NKX2-2: variants seen among roughly 807,000 people sequenced by gnomAD.
NKX2-2 encodes the protein homeobox protein Nkx-2.2.
Under a neutral mutation model 24.6 loss-of-function variants are expected in NKX2-2, and 8 were observed. That is an observed-to-expected ratio of 0.32 (90% CI 0.19 to 0.59). The LOEUF is 0.59. Ranked by LOEUF, NKX2-2 falls within the 20% of genes least tolerant of loss-of-function variation. The pLI is 0.86. For missense variants in NKX2-2, 381 were observed against 373.9 expected, an observed-to-expected ratio of 1.02 and a Z score of -0.16; for synonymous variants, 217 against 173.3, an observed-to-expected ratio of 1.25 and a Z score of -1.98.
In NKX2-2 at chr20:21,511,826, A is replaced by G. The variant is rs1980439918; in HGVS notation, c.*97T>C. 1 of 839,312 alleles carries G rather than the reference A, an allele frequency of 1.2e-6. No homozygotes were observed. Among genetic ancestry groups the G allele is most frequent in the Non-Finnish European group, 1.7e-6 (1 of 578,084 alleles). The allele number at this position is 839,312 out of a possible 1,614,324, so 52.0% of individuals were successfully genotyped here. A position where few individuals can be genotyped will look rare whatever the true frequency, so the allele number is the denominator to read the frequency against. On this transcript the variant is annotated 3_prime_UTR_variant, in exon 2 of 2. Coordinates refer to ENST00000377142, the MANE Select transcript of NKX2-2 (RefSeq NM_002509.4). ...TCGACTCCATAATAATAATTATAAT[A>G]ATAATAATAACCACCATAAGGACCG...
At chr20:21,518,291 A>G (rs1250893555), upstream of NKX2-2, among the ~76,000 whole-genome samples, 1 of 151,980 alleles carries the variant, frequency 6.6e-6, no homozygotes, top group African/African-American at 2.4e-5. Flanking sequence ...CTCGATCTTT[A>G]TTATCAGCAT....
In NKX2-2 at chr20:21,513,711, A is replaced by T. The variant is rs536355513; in HGVS notation, c.-42T>A. ...ATTTATGTCGCAAAGTTGTAGCTTC[A>T]CTTGGTCAATTCGTGGCGCTCCCCT... is the stretch of plus-strand genomic sequence containing the variant. On this transcript the variant is annotated 5_prime_UTR_variant, in exon 1 of 2. Coordinates refer to ENST00000377142, the MANE Select transcript of NKX2-2 (RefSeq NM_002509.4). This position sits in a 1 kb window ranked among gnomAD's most constrained non-coding sequence, Gnocchi z 4.6. 3 of 1,197,520 alleles carry T rather than the reference A, an allele frequency of 2.5e-6. No homozygotes were observed. The highest frequency in any genetic ancestry group is 1.3e-4 in the East Asian group (2 of 15,020). The allele number at this position is 1,197,520 out of a possible 1,614,324, so 74.2% of individuals were successfully genotyped here.
At chr20:21,518,963 A>G (rs1980706134), upstream of NKX2-2, among the ~76,000 whole-genome samples, 1 of 151,986 alleles carries the variant, frequency 6.6e-6, no homozygotes, top group Admixed American at 6.6e-5. Flanking sequence ...GAAAGCTTGC[A>G]GTGCAGGTAC....
At chr20:21,522,186 G>T in the NKX2-2 span, among the ~76,000 whole-genome samples, 4 of 152,360 alleles carry the variant, frequency 2.6e-5, no homozygotes, top group African/African-American at 4.8e-5. Context: ...AAGTCGGGGA[G>T]AACTTCGGAG....
In NKX2-2 at chr20:21,513,189, T is replaced by C. The variant is rs1177431204; in HGVS notation, c.259+222A>G. Among the ~76,000 whole-genome samples the C allele has an allele frequency of 6.6e-6, 1 of 152,154 alleles. No individual in the cohort carries two copies. Among genetic ancestry groups the C allele is most frequent in the East Asian group, 1.9e-4 (1 of 5,188 alleles). On this transcript the variant is annotated intron_variant, in intron 1 of 1. Coordinates refer to ENST00000377142, the MANE Select transcript of NKX2-2 (RefSeq NM_002509.4). The surrounding 1 kb of genome is among the most constrained non-coding windows in gnomAD (Gnocchi z 4.6). Reference sequence around the variant, plus strand: ...CCCTCTTTCTCCTTAACTTCTCGCATTGAAAAAAATTTTGGAGACCAAGTT... The same window carrying C: ...CCCTCTTTCTCCTTAACTTCTCGCACTGAAAAAAATTTTGGAGACCAAGTT...
At position 21,512,139 on chromosome 20, in the gene NKX2-2, C is replaced by G. The variant is rs201222711; in HGVS notation, c.606G>C (p.Arg202=). ...CCCTGACCAAGACGGGCACGGCCAC[C>G]CGGCGCGGCGAGGGCAGGGGCGTCA... ...MEVTPLPSPR[R]VAVPVLVRDG... The change falls in exon 2 of 2, where the codon CGG becomes CGC. Residue 202 remains arginine (R), a synonymous_variant. Coordinates refer to ENST00000377142, the MANE Select transcript of NKX2-2 (RefSeq NM_002509.4). 6.2e-7 allele frequency: 1 copy of G among 1,613,566 alleles called. No individual in the cohort carries two copies. The highest frequency in any genetic ancestry group is 1.3e-5 in the African/African-American group (1 of 74,930).
Position 21,514,003 on chromosome 20 carries a change from G to T in NKX2-2, c.-334C>A, listed in dbSNP as rs1160367913. Reference sequence around the variant, plus strand: ...ACTCCAGGAGGGGTGCCAAGGCGGCGTCAGCTCGGGCTCCGGCGGCCGCTC... The same window carrying T: ...ACTCCAGGAGGGGTGCCAAGGCGGCTTCAGCTCGGGCTCCGGCGGCCGCTC... On this transcript the variant is annotated 5_prime_UTR_variant, in exon 1 of 2. Transcript: ENST00000377142. The T allele has an allele frequency of 1.1e-5, 2 of 174,864 alleles. No homozygotes were observed. The highest frequency in any genetic ancestry group is 2.4e-5 in the Non-Finnish European group (2 of 83,628). 10.8% of individuals were successfully genotyped at this position (174,864 alleles called of 1,614,324 possible).
At position 21,511,775 on chromosome 20, in the gene NKX2-2, C is replaced by T. The variant is rs1335369691; in HGVS notation, c.*148G>A. The T allele has an allele frequency of 1.7e-6, 1 of 586,486 alleles. No individual in the cohort carries two copies. Among genetic ancestry groups the T allele is most frequent in the East Asian group, 3.1e-5 (1 of 32,294 alleles). The allele number at this position is 586,486 out of a possible 1,614,324, so 36.3% of individuals were successfully genotyped here. A position where few individuals can be genotyped will look rare whatever the true frequency, so the allele number is the denominator to read the frequency against. On this transcript the variant is annotated 3_prime_UTR_variant, in exon 2 of 2. Transcript: ENST00000377142. ...AGGAGACGCAGGCAACCTCCCGGCG[C>T]CTCCCTAGTGGAGCCGAGAGTCAAC...
chr20:21,522,643 C>A, the NKX2-2 span, among the ~76,000 whole-genome samples: 1 of 151,700 alleles, frequency 6.6e-6, no homozygotes. Context: ...GAGTCGCGGG[C>A]GGCTGCGGAG....
At position 21,513,703 on chromosome 20, in the gene NKX2-2, G is replaced by A. The variant is rs186669610; in HGVS notation, c.-34C>T. On this transcript the variant is annotated 5_prime_UTR_variant, in exon 1 of 2. Transcript: ENST00000377142. The surrounding 1 kb of genome is among the most constrained non-coding windows in gnomAD (Gnocchi z 4.6). ...ACCCCAAAATTTATGTCGCAAAGTTGTAGCTTCACTTGGTCAATTCGTGGC... is the reference window on the plus strand; with the variant it reads ...ACCCCAAAATTTATGTCGCAAAGTTATAGCTTCACTTGGTCAATTCGTGGC... 145 of 1,327,254 alleles carry A rather than the reference G, an allele frequency of 1.1e-4. No individual in the cohort carries two copies. In the African/African-American group the frequency reaches 2.0e-3, roughly 18 times the overall value. The allele number at this position is 1,327,254 out of a possible 1,614,324, so 82.2% of individuals were successfully genotyped here. A position where few individuals can be genotyped will look rare whatever the true frequency, so the allele number is the denominator to read the frequency against.
upstream of NKX2-2, among the ~76,000 whole-genome samples, chr20:21,515,596 T>TG (rs1980613624): frequency 2.9e-5 from 4 of 140,036 alleles, no homozygotes; most frequent in African/African-American, 8.5e-5. Context: ...TAAAACTTTT[T>TG]TGGGGGGGGG....
chr20:21,511,936 T>G lies in NKX2-2; in HGVS notation c.809A>C (p.Gln270Pro). 1 of 1,589,700 alleles carries G rather than the reference T, an allele frequency of 6.3e-7. No homozygotes were observed. The highest frequency in any genetic ancestry group is 8.6e-7 in the Non-Finnish European group (1 of 1,168,062). The part of the protein sequence containing the change: ...PTAHPLVQAQ[Q>P]WTW ...TTGGGGCGGCGCTCACCAAGTCCAC[T>G]GCTGGGCCTGGACCAGGGGGTGTGC... Residue 270 changes from glutamine to proline, a missense_variant, in exon 2 of 2, where the codon CAG becomes CCG. By Grantham distance (76) the Gln-to-Pro change is moderately conservative. Coordinates refer to ENST00000377142, the MANE Select transcript of NKX2-2 (RefSeq NM_002509.4).
rs1055717021 is a variant in NKX2-2, at chr20:21,512,613, C to T, written c.260-128G>A. ...CGCGCCTGGCAGCCCAGCCCCGCTGCCTTTGCCATGACCCCTGCCTTCCTC... is the reference window on the plus strand; with the variant it reads ...CGCGCCTGGCAGCCCAGCCCCGCTGTCTTTGCCATGACCCCTGCCTTCCTC... On this transcript the variant is annotated intron_variant, in intron 1 of 1. Transcript: ENST00000377142. 10 of 708,792 alleles carry T rather than the reference C, an allele frequency of 1.4e-5. No homozygotes were observed. In the African/African-American group the frequency reaches 1.6e-4, roughly 11 times the overall value. The allele number at this position is 708,792 out of a possible 1,614,324, so 43.9% of individuals were successfully genotyped here. A position where few individuals can be genotyped will look rare whatever the true frequency, so the allele number is the denominator to read the frequency against.
At chr20:21,522,034 C>G in the NKX2-2 span, among the ~76,000 whole-genome samples, 2 of 152,228 alleles carry the variant, frequency 1.3e-5, no homozygotes, top group African/African-American at 4.8e-5. Flanking sequence ...CTGGGACAGT[C>G]CCGCTTTCCC....
chr20:21,515,170 T>A (rs1298115657), upstream of NKX2-2, among the ~76,000 whole-genome samples: 1 of 152,016 alleles, frequency 6.6e-6, no homozygotes, highest in Non-Finnish European at 1.5e-5. Flanking sequence ...ACGGCCCTGC[T>A]CTTTCCTGCC....
At chr20:21,512,509 C>T in intron 1 of NKX2-2, 24 bp from the exon 2 acceptor site, 1 of 1,504,244 alleles carries the variant, frequency 6.6e-7, no homozygotes, top group Non-Finnish European at 8.9e-7. Context: ...GAGAGAGAAG[C>T]GCGTCAGGCG....
chr20:21,513,259 C>T lies in NKX2-2; in HGVS notation c.259+152G>A. The T allele has an allele frequency of 1.3e-6, 1 of 774,168 alleles. No homozygotes were observed. Among genetic ancestry groups the T allele is most frequent in the South Asian group, 2.8e-5 (1 of 36,138 alleles). The allele number at this position is 774,168 out of a possible 1,614,324, so 48.0% of individuals were successfully genotyped here. A position where few individuals can be genotyped will look rare whatever the true frequency, so the allele number is the denominator to read the frequency against. On this transcript the variant is annotated intron_variant, in intron 1 of 1. Transcript: ENST00000377142. This position sits in a 1 kb window ranked among gnomAD's most constrained non-coding sequence, Gnocchi z 4.6. ...GCTTGAAGAGGAGGGCAGAGGACAT[C>T]CTATACAGGTGTTAAAAATCTTTCT...
At chr20:21,517,354 GA>G (rs2122550285), upstream of NKX2-2, among the ~76,000 whole-genome samples, 1 of 152,290 alleles carries the variant, frequency 6.6e-6, no homozygotes, top group Admixed American at 6.5e-5. Flanking sequence ...GGGAGGGAGA[GA>G]ATTGGAGAGA....
At chr20:21,519,865 A>C in the NKX2-2 span, among the ~76,000 whole-genome samples, 1 of 152,172 alleles carries the variant, frequency 6.6e-6, no homozygotes, top group Non-Finnish European at 1.5e-5. Context: ...GTGAGTCTGC[A>C]ACTTTGGAGA....
Sources: allele counts gnomAD v4.1 joint callset (sites outside exome capture counted in the v4.1 genomes callset), GRCh38; gene constraint gnomAD v4.1.1; non-coding constraint Gnocchi (gnomAD v3.1); transcripts MANE v1.5; gene names NCBI Gene and HGNC (gene_info 2026-07-23, HGNC 2026-07-21).